KDM4A: variants seen among roughly 807,000 people sequenced by gnomAD.
The protein encoded by KDM4A is lysine demethylase 4A, also known as lysine-specific demethylase 4A.
A neutral mutation model predicts 127.1 loss-of-function variants in KDM4A; 23 were observed. The ratio of observed to expected loss-of-function variants is 0.18; its 90% CI spans 0.13 to 0.26. KDM4A has a LOEUF of 0.26. KDM4A is among the 10% of genes least tolerant of loss of function. KDM4A has a pLI of 1.00. For missense variants in KDM4A, 890 were observed against 1,329.1 expected (o/e 0.67, Z 5.14); for synonymous variants, 443 against 466.5 (o/e 0.95, Z 0.65).
At chr1:43,692,122 C>G in intron 15 of KDM4A, 134 bp from the exon 16 acceptor site, 1 of 818,226 alleles carries the variant, frequency 1.2e-6, no homozygotes, top group South Asian at 1.4e-5. Context: ...CAGGGGCTGC[C>G]TGGGTGAAGC....
At chr1:43,664,270 A>G (rs490009) in intron 5 of KDM4A, among the ~76,000 whole-genome samples, 9,263 of 152,194 alleles carry the variant, frequency 0.061, 938 homozygotes, top group African/African-American at 0.21. Flanking sequence ...CTCCTGGATT[A>G]AGACAGCACA....
rs1334391453 is a variant in KDM4A, at chr1:43,667,994, G to A, written c.1138G>A (p.Gly380Arg). 1.2e-6 allele frequency: 2 copies of A among 1,613,956 alleles called. No individual in the cohort carries two copies. The highest frequency in any genetic ancestry group is 1.3e-5 in the African/African-American group (1 of 74,930). ...PEEDMEGVED[G>R]EEGDLKTSLA... is the part of the protein sequence containing the mutation. ...GGAGGACATGGAAGGGGTGGAGGATGGAGAGGAAGGAGACCTGAAGACAAG... is the reference window on the plus strand; with the variant it reads ...GGAGGACATGGAAGGGGTGGAGGATAGAGAGGAAGGAGACCTGAAGACAAG... The change falls in exon 9 of 22, where the codon GGA becomes AGA. Residue 380 changes from glycine to arginine, a missense_variant. Physicochemically the swap from Gly to Arg is moderately radical, Grantham distance 125. Coordinates refer to ENST00000372396, the MANE Select transcript of KDM4A (RefSeq NM_014663.3).
intron 4 of KDM4A, among the ~76,000 whole-genome samples, chr1:43,661,626 A>AG (rs1181689077): frequency 5.4e-5 from 8 of 148,318 alleles, no homozygotes; most frequent in Middle Eastern, 3.5e-3. Context: ...AAAAAAAAAA[A>AG]AAAAAAAAAA....
intron 11 of KDM4A, among the ~76,000 whole-genome samples, chr1:43,683,189 T>C (rs1431123584): frequency 6.6e-6 from 1 of 152,226 alleles, no homozygotes; most frequent in East Asian, 1.9e-4. Flanking sequence ...GAAGGTGGCC[T>C]ATTTTACTTT....
At chr1:43,697,694 T>G in intron 18 of KDM4A, 149 bp from the exon 19 acceptor site, 2 of 703,144 alleles carry the variant, frequency 2.8e-6, no homozygotes, top group Admixed American at 2.9e-5. Context: ...TGGAAAGGCT[T>G]GTTTTAGCTC....
At chr1:43,655,375 T>C (rs1226664128) in intron 2 of KDM4A, among the ~76,000 whole-genome samples, 5 of 152,218 alleles carry the variant, frequency 3.3e-5, no homozygotes, top group Admixed American at 6.5e-5. Flanking sequence ...CAAGTATTAC[T>C]TACCTTAGGT....
At chr1:43,692,191 G>A in intron 15 of KDM4A, 65 bp from the exon 16 acceptor site, 1 of 1,418,628 alleles carries the variant, frequency 7.0e-7, no homozygotes, top group East Asian at 2.3e-5. Context: ...AGGTCCAGGG[G>A]AGAGCAGATT....
chr1:43,679,508 T>C (rs1044168750), intron 11 of KDM4A, among the ~76,000 whole-genome samples: 4 of 152,132 alleles, frequency 2.6e-5, no homozygotes, highest in African/African-American at 9.7e-5. Context: ...AGAGCACCCT[T>C]ATGTTCCCCC....
chr1:43,654,265 C>T (rs1439485908), intron 2 of KDM4A, among the ~76,000 whole-genome samples: 3 of 152,180 alleles, frequency 2.0e-5, no homozygotes, highest in South Asian at 4.1e-4. Context: ...ATATTTCAAA[C>T]GCAGATAAAG....
chr1:43,669,485 AAGCTCC>A (rs1660571225), intron 10 of KDM4A, among the ~76,000 whole-genome samples, 186 bp downstream of exon 10: 1 of 152,064 alleles, frequency 6.6e-6, no homozygotes, highest in African/African-American at 2.4e-5. Flanking sequence ...ACGTAGGGAA[AAGCTCC>A]TCCCTCTGCC....
rs1431194516 is a variant in KDM4A at position 43,690,136 on chromosome 1, A to G, written c.2038-709A>G. Reference sequence around the variant, plus strand: ...CTTCCTGGAGGGACCCTGAGCCAGGAATCACACAGGTGGGGCTCCAGCCAT... The same window carrying G: ...CTTCCTGGAGGGACCCTGAGCCAGGGATCACACAGGTGGGGCTCCAGCCAT... On this transcript the variant is annotated intron_variant, in intron 13 of 21. Coordinates refer to ENST00000372396, the MANE Select transcript of KDM4A (RefSeq NM_014663.3). Among the ~76,000 whole-genome samples the G allele has an allele frequency of 2.6e-5, 4 of 152,240 alleles. No individual in the cohort carries two copies. The East Asian group carries it at 7.7e-4, about 29-fold the overall frequency.
chr1:43,704,042 A>C lies in KDM4A; in HGVS notation c.2984A>C (p.Gln995Pro). 5 of 1,614,186 alleles carry C rather than the reference A, an allele frequency of 3.1e-6. No homozygotes were observed. The highest frequency in any genetic ancestry group is 4.2e-6 in the Non-Finnish European group (5 of 1,180,028). ...MYQVEFEDGS[Q>P]LVVKRDDVYT... The stretch of plus-strand genomic sequence containing the variant: ...TAGGTGGAGTTTGAGGATGGCTCAC[A>C]ACTTGTGGTTAAGAGAGATGATGTA... The change falls in exon 21 of 22, where the codon CAA (glutamine) becomes CCA (proline). Residue 995 changes from glutamine to proline, a missense_variant. Around this residue, in one of 7 missense-constraint regions of KDM4A, gnomAD observed 246 missense variants for 418.4 expected, o/e 0.59. Transcript: ENST00000372396.
At position 43,667,180 on chromosome 1, in the gene KDM4A, T is replaced by C. The variant is rs1246682332; in HGVS notation, c.915+89T>C. On this transcript the variant is annotated intron_variant, in intron 8 of 21. Transcript: ENST00000372396. ...GTTGGCTGGTGATTAGAGTATTTCT[T>C]TGAGCTGCTGGAATTCAGAAACAAG... 79 of 1,430,360 alleles carry C rather than the reference T, an allele frequency of 5.5e-5. No individual in the cohort carries two copies. In the Admixed American group the frequency reaches 1.3e-3, roughly 24 times the overall value. 88.6% of individuals were successfully genotyped at this position (1,430,360 alleles called of 1,614,324 possible).
At chr1:43,692,458 C>G (rs2270972) in intron 16 of KDM4A, 147 bp downstream of exon 16, 177,988 of 683,236 alleles carry the variant, frequency 0.26, 25,424 homozygotes, top group Non-Finnish European at 0.29. Flanking sequence ...CTCCAAGACT[C>G]ATTTTAAAAA....
intron 11 of KDM4A, among the ~76,000 whole-genome samples, chr1:43,680,822 C>T (rs75308380): frequency 2.6e-5 from 4 of 152,338 alleles, no homozygotes; most frequent in Non-Finnish European, 4.4e-5. Context: ...ATCCAGGGTA[C>T]GCTCCCTATT....
intron 11 of KDM4A, among the ~76,000 whole-genome samples, chr1:43,673,511 C>G (rs984312759): frequency 2.6e-5 from 4 of 151,848 alleles, no homozygotes; most frequent in African/African-American, 9.7e-5. Flanking sequence ...GTAGGTTTGT[C>G]TCCTTGTTGT....
At chr1:43,700,424 G>C (rs1367415878) in intron 19 of KDM4A, among the ~76,000 whole-genome samples, 8 of 152,150 alleles carry the variant, frequency 5.3e-5, no homozygotes, top group African/African-American at 1.9e-4. Context: ...ACCACTCCCA[G>C]CCAAGGGAGG....
In KDM4A at chr1:43,689,053, C is replaced by T; in HGVS notation, c.1995C>T (p.Ala665=). 6.2e-7 allele frequency: 1 copy of T among 1,614,182 alleles called. No homozygotes were observed. The highest frequency in any genetic ancestry group is 8.5e-7 in the Non-Finnish European group (1 of 1,180,024). ...TCAATGAGACCATGGCCCAACAGGCCCCTCACTGCGCTGTCTGTATGATCT... is the reference window on the plus strand; with the variant it reads ...TCAATGAGACCATGGCCCAACAGGCTCCTCACTGCGCTGTCTGTATGATCT... ...KEFNETMAQQ[A]PHCAVCMIFQ... is the part of the protein sequence containing the mutation. Residue 665 remains alanine, a synonymous_variant, in exon 13 of 22, where the codon GCC becomes GCT. Transcript: ENST00000372396.
intron 1 of KDM4A, among the ~76,000 whole-genome samples, chr1:43,650,931 C>T (rs1032712642): frequency 6.6e-6 from 1 of 152,186 alleles, no homozygotes; most frequent in Non-Finnish European, 1.5e-5. Flanking sequence ...GAAACGGGAG[C>T]TTTCCCCAGG....
Sources: gnomAD v4.1 joint callset for allele counts (sites outside exome capture counted in the v4.1 genomes callset) on GRCh38, gnomAD v4.1.1 for gene constraint, gnomAD v4.1.1 regional missense constraint, MANE v1.5 for transcripts, NCBI Gene and HGNC (gene_info 2026-07-23, HGNC 2026-07-21) for gene names.